Variants in DSTYK observed in about 807,000 individuals in gnomAD.
DSTYK encodes dual serine/threonine and tyrosine protein kinase.
DSTYK carries 34 observed loss-of-function variants against 98.7 expected under a neutral mutation model. That is an observed-to-expected ratio of 0.34 (90% CI 0.26 to 0.46). The LOEUF (loss-of-function observed/expected upper bound fraction) is 0.46, where lower values mean the gene tolerates loss of function less well. Among genes scored for constraint, DSTYK ranks in the 20% least tolerant of loss-of-function variants. The probability of loss-of-function intolerance (pLI) is 1.00; values close to 1 mark genes in which losing one functional copy is unlikely to be tolerated. For synonymous variants in DSTYK, 462 were observed against 457.3 expected (o/e 1.01, Z -0.13); for missense variants, 962 against 1,181.7 (o/e 0.81, Z 2.73).
chr1:205,186,377 A>C (rs1055121225), intron 2 of DSTYK, among the ~76,000 whole-genome samples: 36 of 152,252 alleles, frequency 2.4e-4, no homozygotes, highest in African/African-American at 8.2e-4. Flanking sequence ...AGATGAAAGA[A>C]ATATGGACTG....
rs534127190 is a variant in DSTYK at position 205,184,630 on chromosome 1, T to A, written c.654+2788A>T. Reference sequence around the variant, plus strand: ...AATGAAGAGAAAGATCTTTAAAAAATTTTTTTTGAGACAGGGTCTCATTCT... The same window carrying A: ...AATGAAGAGAAAGATCTTTAAAAAAATTTTTTTGAGACAGGGTCTCATTCT... On this transcript the variant is annotated intron_variant, in intron 2 of 12. Transcript: ENST00000367162. 7.1e-4 allele frequency among the ~76,000 whole-genome samples: 108 copies of A among 152,106 alleles called. 1 individual carries two copies. The highest frequency in any genetic ancestry group is 3.4e-3 in the Middle Eastern group (1 of 294).
chr1:205,173,739 G>A (rs1328790276), intron 2 of DSTYK, among the ~76,000 whole-genome samples: 1 of 149,192 alleles, frequency 6.7e-6, no homozygotes, highest in Non-Finnish European at 1.5e-5. Flanking sequence ...TTTTTTTTGA[G>A]ATGAAGTCTC....
At chr1:205,163,211 A>AT (rs996751302) in intron 4 of DSTYK, among the ~76,000 whole-genome samples, 1 of 106,070 alleles carries the variant, frequency 9.4e-6, no homozygotes, top group Non-Finnish European at 2.5e-5. Context: ...TCATCAACTT[A>AT]TTTTTTTATT....
At chr1:205,159,835 A>C (rs1474786572) in intron 8 of DSTYK, among the ~76,000 whole-genome samples, 156 bp from the exon 9 acceptor site, 1 of 152,206 alleles carries the variant, frequency 6.6e-6, no homozygotes, top group Admixed American at 6.5e-5. Flanking sequence ...CAGACAGAGC[A>C]TGGCCTCTTC....
At chr1:205,162,340 A>T (rs1657753366) in intron 5 of DSTYK, 128 bp from the exon 6 acceptor site, 2 of 1,124,208 alleles carry the variant, frequency 1.8e-6, no homozygotes, top group Admixed American at 2.9e-5. Flanking sequence ...AGCCATACGA[A>T]GTCCAAAGTT....
intron 1 of DSTYK, among the ~76,000 whole-genome samples, chr1:205,201,405 C>CTAAA: frequency 1.0e-5 from 1 of 95,468 alleles, no homozygotes; most frequent in East Asian, 3.1e-4. Context: ...TTTTTTAATG[C>CTAAA]AAAAAAAAAA....
intron 3 of DSTYK, among the ~76,000 whole-genome samples, 186 bp from the exon 4 acceptor site, chr1:205,164,141 G>A (rs1024980773): frequency 6.6e-6 from 1 of 152,096 alleles, no homozygotes; most frequent in Admixed American, 6.6e-5. Flanking sequence ...ACTACTAAAG[G>A]CAGCTAAGAT....
intron 9 of DSTYK, among the ~76,000 whole-genome samples, chr1:205,157,994 G>A (rs1657611857): frequency 6.6e-6 from 1 of 152,118 alleles, no homozygotes; most frequent in Non-Finnish European, 1.5e-5. Flanking sequence ...GGCTCAAAGT[G>A]ACTATTTCTA....
chr1:205,167,134 G>A (rs1251167573), intron 3 of DSTYK, among the ~76,000 whole-genome samples: 1 of 152,218 alleles, frequency 6.6e-6, no homozygotes, highest in Non-Finnish European at 1.5e-5. Context: ...GATGGCTCAT[G>A]CCTATAATCC....
rs1657358793 is a variant in DSTYK, at chr1:205,150,077, TA to T, written c.2467+602del. Among the ~76,000 whole-genome samples the T allele has an allele frequency of 6.6e-6, 1 of 152,138 alleles. No individual in the cohort carries two copies. Among genetic ancestry groups the T allele is most frequent in the Non-Finnish European group, 1.5e-5 (1 of 68,024 alleles). On this transcript the variant is annotated intron_variant, in intron 11 of 12. Coordinates refer to ENST00000367162, the MANE Select transcript of DSTYK (RefSeq NM_015375.3). The surrounding 1 kb of genome is among the most constrained non-coding windows in gnomAD (Gnocchi z 4.1). ...TAAAAATACATCATCGTCACAGAAT[TA>T]AACAAAATATGTGAAAAACCTACCC... is the stretch of plus-strand genomic sequence containing the variant.
chr1:205,198,734 CA>C (rs531621640), intron 1 of DSTYK, among the ~76,000 whole-genome samples: 203 of 150,988 alleles, frequency 1.3e-3, no homozygotes, highest in African/African-American at 4.9e-3. Context: ...AAAACAAAAA[CA>C]AAAAAACCCT....
In DSTYK at chr1:205,165,129, T is replaced by C. The variant is rs144908488; in HGVS notation, c.1325-1174A>G. On this transcript the variant is annotated intron_variant, in intron 3 of 12. Transcript: ENST00000367162. Reference sequence around the variant, plus strand: ...CTTTTTTTGAGACTGAGTTTAGCTCTATCGCCTAGGCTGGAGTGCAGTGGC... The same window carrying C: ...CTTTTTTTGAGACTGAGTTTAGCTCCATCGCCTAGGCTGGAGTGCAGTGGC... 1.4e-3 allele frequency among the ~76,000 whole-genome samples: 215 copies of C among 152,308 alleles called. 1 individual carries two copies. The highest frequency in any genetic ancestry group is 4.4e-3 in the African/African-American group (184 of 41,576).
At chr1:205,168,120 T>C (rs1657944051) in intron 3 of DSTYK, among the ~76,000 whole-genome samples, 3 of 152,040 alleles carry the variant, frequency 2.0e-5, no homozygotes, top group Non-Finnish European at 4.4e-5. Flanking sequence ...AAAAGAAAGA[T>C]TAATCAGTAC....
Position 205,150,993 on chromosome 1 carries a change from C to T in DSTYK, c.2353-199G>A, listed in dbSNP as rs995804299. Reference sequence around the variant, plus strand: ...CAACCCAGATGGTATACCTGCTACACACCTAGTATGGTCTTTTGCTACTAG... The same window carrying T: ...CAACCCAGATGGTATACCTGCTACATACCTAGTATGGTCTTTTGCTACTAG... On this transcript the variant is annotated intron_variant, in intron 10 of 12. Coordinates refer to ENST00000367162, the MANE Select transcript of DSTYK (RefSeq NM_015375.3). This position sits in a 1 kb window ranked among gnomAD's most constrained non-coding sequence, Gnocchi z 4.1. 2.6e-5 allele frequency among the ~76,000 whole-genome samples: 4 copies of T among 152,230 alleles called. No homozygotes were observed. The highest frequency in any genetic ancestry group is 9.6e-5 in the African/African-American group (4 of 41,470).
chr1:205,169,615 G>A lies in DSTYK; in HGVS notation c.872C>T (p.Ser291Phe). Reference protein sequence around the residue: ...VPKLGSEIIDSSTRRMESERS... With the variant: ...VPKLGSEIIDFSTRRMESERS... ...TTCGCTCTCCATTCTCCTGGTTGAGGAGTCTATTATCTCCGAGCCCAGTTT... is the reference window on the plus strand; with the variant it reads ...TTCGCTCTCCATTCTCCTGGTTGAGAAGTCTATTATCTCCGAGCCCAGTTT... The change falls in exon 3 of 13, where the codon TCC becomes TTC. Residue 291 changes from serine to phenylalanine, a missense_variant. Ser to Phe is a radical substitution (Grantham distance 155). Around this residue, in one of 4 missense-constraint regions of DSTYK, gnomAD observed 660 missense variants for 855.0 expected, o/e 0.77. Coordinates refer to ENST00000367162, the MANE Select transcript of DSTYK (RefSeq NM_015375.3). The surrounding 1 kb of genome is among the most constrained non-coding windows in gnomAD (Gnocchi z 4.0). 6.2e-7 allele frequency: 1 copy of A among 1,614,186 alleles called. No individual in the cohort carries two copies. Among genetic ancestry groups the A allele is most frequent in the Non-Finnish European group, 8.5e-7 (1 of 1,180,030 alleles).
chr1:205,182,498 T>TAA (rs386369411), intron 2 of DSTYK, among the ~76,000 whole-genome samples: 36,350 of 77,624 alleles, frequency 0.47, 9,602 homozygotes, highest in Non-Finnish European at 0.6. Flanking sequence ...TTAAAAACGG[T>TAA]AAAAAAAAAA....
chr1:205,202,405 A>T (rs1659070058), intron 1 of DSTYK: 4 of 742,590 alleles, frequency 5.4e-6, no homozygotes, highest in Admixed American at 1.7e-5. Flanking sequence ...TGGTGTGCCC[A>T]GGCCAAGCAG....
rs541366863 is a variant in DSTYK, at chr1:205,143,169, T to C, written c.*4389A>G. 2.4e-4 allele frequency: 37 copies of C among 151,042 alleles called. No individual in the cohort carries two copies. The highest frequency in any genetic ancestry group is 8.8e-4 in the African/African-American group (36 of 41,084). 9.4% of individuals were successfully genotyped at this position (151,042 alleles called of 1,614,324 possible). On this transcript the variant is annotated 3_prime_UTR_variant, in exon 13 of 13. Transcript: ENST00000367162. ...CTTTTTCTTTTTTTTTTTTTTGAGA[T>C]GGAGTCTTGCTCTGCTGCCCAGGCT...
At chr1:205,202,626 T>A in intron 1 of DSTYK, 1 of 1,183,044 alleles carries the variant, frequency 8.5e-7, no homozygotes, top group Non-Finnish European at 1.2e-6. Context: ...TCTGCCACAT[T>A]GAGATGATCC....
Sources: allele counts gnomAD v4.1 joint callset (sites outside exome capture counted in the v4.1 genomes callset), GRCh38; gene constraint gnomAD v4.1.1; regional missense constraint gnomAD v4.1.1; non-coding constraint Gnocchi (gnomAD v3.1); transcripts MANE v1.5; gene names NCBI Gene and HGNC (gene_info 2026-07-23, HGNC 2026-07-21).